The following PUM1 variants were observed in gnomAD, a reference collection of about 807,000 sequenced individuals.
PUM1 encodes pumilio RNA binding family member 1.
PUM1 carries 13 observed loss-of-function variants against 131.8 expected under a neutral mutation model. The ratio of observed to expected loss-of-function variants is 0.10; its 90% CI spans 0.06 to 0.16. The LOEUF (loss-of-function observed/expected upper bound fraction) is 0.16, where lower values mean the gene tolerates loss of function less well. Among genes scored for constraint, PUM1 ranks in the 10% least tolerant of loss-of-function variants. PUM1 has a pLI of 1.00. For missense variants in PUM1, 961 were observed against 1,512.4 expected (o/e 0.64, Z 6.05); for synonymous variants, 509 against 556.5 (o/e 0.91, Z 1.20).
intron 14 of PUM1, among the ~76,000 whole-genome samples, chr1:30,960,992 A>G (rs1640380722): frequency 6.8e-6 from 1 of 147,736 alleles, no homozygotes; most frequent in Non-Finnish European, 1.5e-5. Flanking sequence ...GAAAAAAAAA[A>G]GGGACCAGCC....
chr1:30,964,568 C>T, intron 14 of PUM1, 106 bp downstream of exon 14: 2 of 949,554 alleles, frequency 2.1e-6, no homozygotes, highest in Admixed American at 1.9e-5. Context: ...ACCCAGGACA[C>T]TTCTAGTATA....
intron 2 of PUM1, 51 bp downstream of exon 2, chr1:31,059,153 G>T: frequency 6.6e-7 from 1 of 1,513,476 alleles, no homozygotes; most frequent in African/African-American, 1.4e-5. Flanking sequence ...ATCCTAAGTG[G>T]ACAGTGATTA....
At position 31,004,508 on chromosome 1, in the gene PUM1, T is replaced by G. The variant is rs1642328917; in HGVS notation, c.720+1345A>C. 2.0e-5 allele frequency among the ~76,000 whole-genome samples: 3 copies of G among 152,132 alleles called. 1 individual carries two copies. In the South Asian group the frequency reaches 6.2e-4, roughly 32 times the overall value. On this transcript the variant is annotated intron_variant, in intron 5 of 21. Coordinates refer to ENST00000426105, the MANE Select transcript of PUM1 (RefSeq NM_001020658.2). ...GATAGGGTGAAGAAAGAGAAGTAAC[T>G]CACATCCAAAGGGTAGATCTTGTTC...
intron 17 of PUM1, 80 bp from the exon 18 acceptor site, chr1:30,945,563 A>G: frequency 6.9e-7 from 1 of 1,451,998 alleles, no homozygotes; most frequent in Non-Finnish European, 9.5e-7. Flanking sequence ...ACCAAACATG[A>G]AAGCACTACT....
At chr1:30,976,029 A>G (rs1316274488) in intron 9 of PUM1, among the ~76,000 whole-genome samples, 2 of 151,048 alleles carry the variant, frequency 1.3e-5, no homozygotes, top group African/African-American at 4.9e-5. Context: ...CAGAGGTTAC[A>G]GTGAGCCAAG....
At chr1:30,947,035 CTAACCGTGTAACATGTTTTAATTA>C (rs1639705253) in intron 17 of PUM1, among the ~76,000 whole-genome samples, 1 of 152,220 alleles carries the variant, frequency 6.6e-6, no homozygotes, top group Non-Finnish European at 1.5e-5. Flanking sequence ...AGGCATACCT[CTAACCGTGTAACATGTTTTAATTA>C]AATTTTCCTA....
At position 31,005,953 on chromosome 1, in the gene PUM1, A is replaced by G; in HGVS notation, c.620T>C (p.Val207Ala). Residue 207 changes from valine (V) to alanine (A), a missense_variant, in exon 5 of 22, where the codon GTA becomes GCA. Transcript: ENST00000426105. The stretch of plus-strand genomic sequence containing the variant: ...CCCACTCTCCGATCGTGGGGACAGT[A>G]CAGAATTGACCTCACTGTTCACATG... The part of the protein sequence containing the change: ...SFHVNSEVNS[V>A]LSPRSESGGL... 6.2e-7 allele frequency: 1 copy of G among 1,613,940 alleles called. No individual in the cohort carries two copies. Among genetic ancestry groups the G allele is most frequent in the Non-Finnish European group, 8.5e-7 (1 of 1,179,916 alleles).
chr1:30,941,069 A>T (rs1357685801), intron 20 of PUM1, 82 bp downstream of exon 20: 3 of 1,407,696 alleles, frequency 2.1e-6, no homozygotes, highest in Non-Finnish European at 1.9e-6. Flanking sequence ...AACAACAACA[A>T]CATTAAAAAA....
chr1:30,965,234 T>A (rs1159595486), intron 13 of PUM1, among the ~76,000 whole-genome samples: 1 of 152,090 alleles, frequency 6.6e-6, no homozygotes, highest in East Asian at 1.9e-4. Flanking sequence ...ATGCCTTTCA[T>A]CAATTGAAAA....
At chr1:30,942,150 A>G in intron 18 of PUM1, 27 bp from the exon 19 acceptor site, 1 of 1,460,668 alleles carries the variant, frequency 6.8e-7, no homozygotes. Context: ...ACAAATGAGA[A>G]GCAAAAATGA....
At chr1:30,968,115 A>T (rs1256458169) in intron 11 of PUM1, 1 of 684,982 alleles carries the variant, frequency 1.5e-6, no homozygotes, top group Admixed American at 1.8e-5. Flanking sequence ...AGGAAAAACC[A>T]CATATTCCAA....
chr1:30,946,302 G>C (rs1385215070), intron 17 of PUM1, among the ~76,000 whole-genome samples: 1 of 151,128 alleles, frequency 6.6e-6, no homozygotes, highest in Non-Finnish European at 1.5e-5. Flanking sequence ...CAGTACCCTA[G>C]AGTTGGACAA....
chr1:31,059,091 A>T, intron 2 of PUM1, 113 bp downstream of exon 2: 1 of 1,232,650 alleles, frequency 8.1e-7, no homozygotes, highest in Non-Finnish European at 1.1e-6. Flanking sequence ...AACTGTTTGT[A>T]CCAAATGAAA....
chr1:30,943,412 G>A (rs575975836), intron 18 of PUM1, among the ~76,000 whole-genome samples: 101 of 152,090 alleles, frequency 6.6e-4, no homozygotes, highest in Non-Finnish European at 1.2e-3. Context: ...ACAGGCACCC[G>A]GCTAATTTTT....
intron 3 of PUM1, among the ~76,000 whole-genome samples, chr1:31,015,664 TTC>T (rs1642789034): frequency 6.7e-6 from 1 of 149,820 alleles, no homozygotes; most frequent in Non-Finnish European, 1.5e-5. Context: ...TTATTTATTT[TTC>T]TTTTTTTTTC....
intron 2 of PUM1, chr1:31,055,416 C>G (rs1202768689): frequency 2.2e-6 from 1 of 456,160 alleles, no homozygotes; most frequent in Non-Finnish European, 4.4e-6. Flanking sequence ...AGTCTCTGAT[C>G]TAGAATAGTT....
At chr1:31,053,915 T>C (rs1644172194) in intron 2 of PUM1, among the ~76,000 whole-genome samples, 4 of 151,890 alleles carry the variant, frequency 2.6e-5, no homozygotes, top group Non-Finnish European at 4.4e-5. Flanking sequence ...GCCAACATGG[T>C]GAAACCTTGT....
rs1407111136 is a variant in PUM1, at chr1:31,026,266, AAAAAAG to A, written c.432+2524_432+2529del. 8.6e-5 allele frequency among the ~76,000 whole-genome samples: 13 copies of A among 152,028 alleles called. No individual in the cohort carries two copies. In the East Asian group the frequency reaches 1.4e-3, roughly 16 times the overall value. ...GTGAGACTCAGTCTCTTAAAAAAAA[AAAAAAG>A]AAAAGGAAAAAAAAGCTTATTTTCA... On this transcript the variant is annotated intron_variant, in intron 3 of 21. Coordinates refer to ENST00000426105, the MANE Select transcript of PUM1 (RefSeq NM_001020658.2).
chr1:30,953,409 T>A (rs1174828680), intron 15 of PUM1, among the ~76,000 whole-genome samples: 1 of 152,112 alleles, frequency 6.6e-6, no homozygotes, highest in Non-Finnish European at 1.5e-5. Flanking sequence ...TTCTACAGAG[T>A]GGAACAACAA....
Sources: allele counts gnomAD v4.1 joint callset (sites outside exome capture counted in the v4.1 genomes callset), GRCh38; gene constraint gnomAD v4.1.1; transcripts MANE v1.5; gene names NCBI Gene and HGNC (gene_info 2026-07-23, HGNC 2026-07-21).